EDA: variants seen among roughly 807,000 people sequenced by gnomAD.
The protein encoded by EDA is ectodysplasin A, also known as ectodysplasin-A.
EDA carries 2 observed loss-of-function variants against 23.6 expected under a neutral mutation model. The observed-to-expected ratio is 0.08, with a 90% CI of 0.03 to 0.27. The LOEUF (loss-of-function observed/expected upper bound fraction) is 0.27, where lower values mean the gene tolerates loss of function less well. EDA is among the 10% of genes least tolerant of loss of function. The probability of loss-of-function intolerance (pLI) is 1.00; values close to 1 mark genes in which losing one functional copy is unlikely to be tolerated. For missense variants in EDA, 229 were observed against 324.2 expected, an observed-to-expected ratio of 0.71 and a Z score of 2.26; for synonymous variants, 131 against 132.0, an observed-to-expected ratio of 0.99 and a Z score of 0.05.
intron 1 of EDA, among the ~76,000 whole-genome samples, chrX:69,675,604 A>G (rs1272684240): frequency 9.1e-6 from 1 of 110,295 alleles, no homozygotes; most frequent in Non-Finnish European, 1.9e-5. Context: ...TTCTTAATTG[A>G]TTCATTCATT....
intron 2 of EDA, among the ~76,000 whole-genome samples, chrX:69,980,680 T>C (rs1303684947): frequency 8.9e-6 from 1 of 112,379 alleles, no homozygotes. Flanking sequence ...AGCTATATTC[T>C]AAAAAATTAT....
chrX:69,664,206 C>T (rs892545996), intron 1 of EDA, among the ~76,000 whole-genome samples: 3 of 111,643 alleles, frequency 2.7e-5, no homozygotes, highest in African/African-American at 9.8e-5. Context: ...TTGGCTGTGT[C>T]GCCACCCAAA....
intron 1 of EDA, among the ~76,000 whole-genome samples, chrX:69,798,626 G>A (rs2015601835): frequency 1.8e-5 from 2 of 110,830 alleles, no homozygotes; most frequent in Non-Finnish European, 3.8e-5. Context: ...AAATGAAAAC[G>A]GAAACACAAT....
At chrX:70,034,206 G>A (rs964891204) in intron 7 of EDA, among the ~76,000 whole-genome samples, 1 of 111,171 alleles carries the variant, frequency 9.0e-6, no homozygotes, top group Non-Finnish European at 1.9e-5. Flanking sequence ...GATAAAGGAA[G>A]ATGAGCCATG....
intron 1 of EDA, among the ~76,000 whole-genome samples, chrX:69,808,512 C>T (rs1203655106): frequency 9.0e-6 from 1 of 111,644 alleles, no homozygotes; most frequent in Non-Finnish European, 1.9e-5. Context: ...TTTAGGTCAA[C>T]TGATACTGCA....
At chrX:69,803,722 G>A in intron 1 of EDA, among the ~76,000 whole-genome samples, 1 of 110,264 alleles carries the variant, frequency 9.1e-6, no homozygotes, top group East Asian at 2.9e-4. Flanking sequence ...GTTAACTATA[G>A]TCATCCTACA....
chrX:69,961,444 A>G (rs1316642924), intron 2 of EDA, among the ~76,000 whole-genome samples: 1 of 112,178 alleles, frequency 8.9e-6, no homozygotes, highest in Non-Finnish European at 1.9e-5. Flanking sequence ...GCAGAAGCCT[A>G]TTTTCCTGTT....
intron 1 of EDA, among the ~76,000 whole-genome samples, chrX:69,931,001 GGAA>G (rs2018590996): frequency 9.0e-6 from 1 of 111,239 alleles, no homozygotes; most frequent in Non-Finnish European, 1.9e-5. Flanking sequence ...ATTTTTTATA[GGAA>G]CTGATAAGCT....
At chrX:69,943,482 C>T (rs1198855723) in intron 1 of EDA, among the ~76,000 whole-genome samples, 1 of 111,385 alleles carries the variant, frequency 9.0e-6, no homozygotes, top group Non-Finnish European at 1.9e-5. Context: ...CCTGAATTGC[C>T]ATACAGAGAC....
intron 2 of EDA, among the ~76,000 whole-genome samples, chrX:69,968,336 G>T (rs1329181270): frequency 8.9e-6 from 1 of 111,897 alleles, no homozygotes; most frequent in African/African-American, 3.2e-5. Flanking sequence ...GTTTTGGAAG[G>T]TGAATGGGAC....
chrX:69,875,163 A>G (rs1029020949), intron 1 of EDA, among the ~76,000 whole-genome samples: 2 of 111,907 alleles, frequency 1.8e-5, no homozygotes, highest in Non-Finnish European at 3.8e-5. Flanking sequence ...AAAAGAGCCC[A>G]CACAGCCAAA....
chrX:69,668,013 C>T (rs765740097), intron 1 of EDA, among the ~76,000 whole-genome samples: 4 of 112,276 alleles, frequency 3.6e-5, no homozygotes, highest in Non-Finnish European at 7.5e-5. Flanking sequence ...GGCCCACCTC[C>T]CATCACTGTT....
chrX:69,958,943 C>T (rs887569002), intron 2 of EDA, among the ~76,000 whole-genome samples: 6 of 111,128 alleles, frequency 5.4e-5, no homozygotes, highest in African/African-American at 1.6e-4. Flanking sequence ...CTATAGTGGG[C>T]GTGGTCTTCC....
chrX:69,686,472 C>G (rs147613376), intron 1 of EDA, among the ~76,000 whole-genome samples: 41 of 111,967 alleles, frequency 3.7e-4, no homozygotes, highest in South Asian at 7.5e-4. Flanking sequence ...TCACCCATTT[C>G]AAGTGCTAAT....
intron 1 of EDA, among the ~76,000 whole-genome samples, chrX:69,808,376 A>G (rs1227315408): frequency 9.0e-6 from 1 of 111,657 alleles, no homozygotes; most frequent in African/African-American, 3.3e-5. Context: ...ATCAATATGT[A>G]TCAGTACACA....
rs148762003 is a variant in EDA, at chrX:69,745,963, G to T, written c.396+129259G>T. 4.2e-3 allele frequency among the ~76,000 whole-genome samples: 466 copies of T among 111,445 alleles called. 2 individuals are homozygous for T. The highest frequency in any genetic ancestry group is 0.014 in the African/African-American group (435 of 30,697). ...GATCACACCACTGCACTGCAGCCTG[G>T]GTGACAGAGCGAGCCTCCGTCTCAA... On this transcript the variant is annotated intron_variant, in intron 1 of 7. Transcript: ENST00000374552.
chrX:69,929,403 T>C (rs1342156544), intron 1 of EDA, among the ~76,000 whole-genome samples: 2 of 111,450 alleles, frequency 1.8e-5, no homozygotes, highest in African/African-American at 3.3e-5. Flanking sequence ...ACTTGGCTCA[T>C]CATGGAGCTG....
chrX:69,733,206 T>C (rs911619796), intron 1 of EDA, among the ~76,000 whole-genome samples: 3 of 111,546 alleles, frequency 2.7e-5, no homozygotes, highest in Admixed American at 9.5e-5. Context: ...ATTGCCTAGG[T>C]TTTCTTCCAG....
At chrX:69,990,155 T>C (rs1217761847) in intron 2 of EDA, among the ~76,000 whole-genome samples, 1 of 110,745 alleles carries the variant, frequency 9.0e-6, no homozygotes, top group East Asian at 2.8e-4. Context: ...AACATTTTTC[T>C]ATTTTGTTTT....
Sources: gnomAD v4.1 joint callset for allele counts (sites outside exome capture counted in the v4.1 genomes callset) on GRCh38, gnomAD v4.1.1 for gene constraint, MANE v1.5 for transcripts, NCBI Gene and HGNC (gene_info 2026-07-23, HGNC 2026-07-21) for gene names.